SAMD12: variants seen among roughly 807,000 people sequenced by gnomAD.
SAMD12 encodes sterile alpha motif domain containing 12.
SAMD12 carries 9 observed loss-of-function variants against 15.0 expected under a neutral mutation model. That is an observed-to-expected ratio of 0.60 (90% confidence interval 0.36 to 1.05). The LOEUF is 1.05. SAMD12 is among the 50% of genes least tolerant of loss of function. SAMD12 has a pLI of 0.01. For missense variants in SAMD12, 230 were observed against 234.2 expected (o/e 0.98, Z 0.12); for synonymous variants, 86 against 90.1 (o/e 0.96, Z 0.25).
Position 118,346,660 on chromosome 8 carries a change from G to T in SAMD12, c.433+32900C>A, listed in dbSNP as rs560418116. On this transcript the variant is annotated intron_variant, in intron 4 of 4. Transcript: ENST00000409003. ...CCCCAGGTTCTGCGATTCACTAGGA[G>T]AACTCACAGGACTCAGCATATAGTT... is the stretch of plus-strand genomic sequence containing the variant. Among the ~76,000 whole-genome samples the T allele has an allele frequency of 1.1e-4, 17 of 152,274 alleles. No individual in the cohort carries two copies. The East Asian group carries it at 3.3e-3, about 29-fold the overall frequency.
intron 4 of SAMD12, among the ~76,000 whole-genome samples, chr8:118,335,236 A>C (rs1235789110): frequency 6.6e-6 from 1 of 152,138 alleles, no homozygotes; most frequent in Non-Finnish European, 1.5e-5. Context: ...AATGCTCCCA[A>C]TGTGGCTCAT....
chr8:118,215,157 G>A (rs927594547), intron 4 of SAMD12, among the ~76,000 whole-genome samples: 5 of 152,088 alleles, frequency 3.3e-5, no homozygotes, highest in Admixed American at 2.0e-4. Flanking sequence ...AACAAGTATT[G>A]GCAAACTATA....
chr8:118,353,466 A>G (rs904709862), intron 4 of SAMD12, among the ~76,000 whole-genome samples: 5 of 151,904 alleles, frequency 3.3e-5, no homozygotes, highest in Non-Finnish European at 5.9e-5. Flanking sequence ...CAGAAGAGAA[A>G]TTCCTTTCCT....
chr8:118,500,419 C>G (rs1471135187), intron 2 of SAMD12, among the ~76,000 whole-genome samples: 1 of 151,884 alleles, frequency 6.6e-6, no homozygotes, highest in Non-Finnish European at 1.5e-5. Flanking sequence ...TTTCTTTCCA[C>G]ATCAGTTGTT....
intron 4 of SAMD12, among the ~76,000 whole-genome samples, chr8:118,207,887 G>A (rs1438701258): frequency 1.3e-5 from 2 of 150,500 alleles, no homozygotes; most frequent in African/African-American, 4.9e-5. Context: ...AAAAAGAAAA[G>A]CACACTTTTA....
chr8:118,238,957 G>A (rs1320277612), intron 4 of SAMD12, among the ~76,000 whole-genome samples: 2 of 152,094 alleles, frequency 1.3e-5, no homozygotes, highest in Admixed American at 1.3e-4. Context: ...ATATGGTGGA[G>A]CAGGTCTTTT....
At chr8:118,547,712 G>A (rs546094475) in intron 2 of SAMD12, among the ~76,000 whole-genome samples, 156 of 152,042 alleles carry the variant, frequency 1.0e-3, no homozygotes, top group African/African-American at 3.5e-3. Context: ...CCCAAACTTT[G>A]GTCATTTCTA....
At chr8:118,620,034 C>G (rs747132444) in intron 1 of SAMD12, among the ~76,000 whole-genome samples, 1 of 152,188 alleles carries the variant, frequency 6.6e-6, no homozygotes, top group Non-Finnish European at 1.5e-5. Context: ...AACCAAGTCA[C>G]TAGAAAATAA....
At chr8:118,157,721 T>A in the SAMD12 span, among the ~76,000 whole-genome samples, 1 of 151,868 alleles carries the variant, frequency 6.6e-6, no homozygotes, top group Admixed American at 6.6e-5. Flanking sequence ...AAACAGAAAA[T>A]AAAGGATGAA....
chr8:118,505,513 G>T (rs1030245069), intron 2 of SAMD12, among the ~76,000 whole-genome samples: 1 of 152,078 alleles, frequency 6.6e-6, no homozygotes, highest in Non-Finnish European at 1.5e-5. Flanking sequence ...GTCACCTTTG[G>T]CTCTTGGGTC....
At chr8:118,523,780 T>A (rs1422769045) in intron 2 of SAMD12, among the ~76,000 whole-genome samples, 1 of 152,094 alleles carries the variant, frequency 6.6e-6, no homozygotes, top group Non-Finnish European at 1.5e-5. Context: ...TAGCATCTAC[T>A]CTCCATCCTC....
the SAMD12 span, among the ~76,000 whole-genome samples, chr8:118,161,330 T>C: frequency 6.1e-4 from 93 of 152,246 alleles, no homozygotes; most frequent in African/African-American, 2.2e-3. Context: ...ATGCCTATAA[T>C]CCCAGCACTT....
chr8:118,338,884 C>T (rs1817211296), intron 4 of SAMD12, among the ~76,000 whole-genome samples: 1 of 152,122 alleles, frequency 6.6e-6, no homozygotes, highest in Non-Finnish European at 1.5e-5. Flanking sequence ...GAATGTTAAT[C>T]AACACTCCGT....
At chr8:118,603,233 C>T (rs1827901654) in intron 1 of SAMD12, among the ~76,000 whole-genome samples, 1 of 152,056 alleles carries the variant, frequency 6.6e-6, no homozygotes, top group African/African-American at 2.4e-5. Context: ...ATTCAAAAAA[C>T]AATCCCAGAA....
At chr8:118,485,758 T>TAA (rs1824259502) in intron 2 of SAMD12, among the ~76,000 whole-genome samples, 1 of 152,088 alleles carries the variant, frequency 6.6e-6, no homozygotes, top group South Asian at 2.1e-4. Flanking sequence ...AAAAGGGAAT[T>TAA]AAAAAAAGCT....
At chr8:118,501,970 A>G (rs565034627) in intron 2 of SAMD12, among the ~76,000 whole-genome samples, 1 of 146,800 alleles carries the variant, frequency 6.8e-6, no homozygotes, top group African/African-American at 2.6e-5. Flanking sequence ...CAGTGAGCGG[A>G]GATTGCGCCA....
intron 2 of SAMD12, among the ~76,000 whole-genome samples, chr8:118,456,422 A>G (rs1823252493): frequency 6.6e-6 from 1 of 152,206 alleles, no homozygotes; most frequent in Admixed American, 6.5e-5. Context: ...CCTATTTACT[A>G]CAACATTCTC....
chr8:118,307,432 A>T (rs770517265), intron 4 of SAMD12, among the ~76,000 whole-genome samples: 2 of 152,216 alleles, frequency 1.3e-5, no homozygotes, highest in Non-Finnish European at 2.9e-5. Context: ...TATGGACCAC[A>T]TGATGAGAAA....
chr8:118,535,742 T>C (rs1412155553), intron 2 of SAMD12, among the ~76,000 whole-genome samples: 2 of 152,230 alleles, frequency 1.3e-5, no homozygotes, highest in Non-Finnish European at 2.9e-5. Context: ...TGGGACCCTC[T>C]GAGCCAGGTG....
Sources: gnomAD v4.1 joint callset for allele counts (sites outside exome capture counted in the v4.1 genomes callset) on GRCh38, gnomAD v4.1.1 for gene constraint, MANE v1.5 for transcripts, NCBI Gene and HGNC (gene_info 2026-07-23, HGNC 2026-07-21) for gene names.